The following CLNK variants were observed in gnomAD, a reference collection of about 807,000 sequenced individuals.
CLNK encodes cytokine dependent hematopoietic cell linker, also known as cytokine-dependent hematopoietic cell linker.
Under a neutral mutation model 68.6 loss-of-function variants are expected in CLNK, and 74 were observed. The ratio of observed to expected loss-of-function variants is 1.08; its 90% confidence interval spans 0.89 to 1.31. CLNK has a LOEUF of 1.31. Among genes scored for constraint, CLNK ranks in the 50% most tolerant of loss-of-function variants. CLNK has a pLI of 0.00. For missense variants in CLNK, 553 were observed against 515.3 expected (o/e 1.07, Z -0.71); for synonymous variants, 198 against 172.2 (o/e 1.15, Z -1.17).
intron 2 of CLNK, among the ~76,000 whole-genome samples, chr4:10,611,366 C>T (rs1027403733): frequency 1.5e-4 from 23 of 151,820 alleles, no homozygotes; most frequent in Non-Finnish European, 2.8e-4. Context: ...GGCATGGTGG[C>T]GGGTGCCTGT....
intron 8 of CLNK, among the ~76,000 whole-genome samples, chr4:10,547,651 C>T (rs1165668948): frequency 6.6e-6 from 1 of 152,024 alleles, no homozygotes; most frequent in African/African-American, 2.4e-5. Flanking sequence ...CCTATGTCTC[C>T]CTCCTCCTTG....
At chr4:10,699,514 T>TATATATATATATATATA in the CLNK span, among the ~76,000 whole-genome samples, 2 of 18,448 alleles carry the variant, frequency 1.1e-4, no homozygotes, top group Admixed American at 6.8e-4. Flanking sequence ...ATATATATAT[T>TATATATATATATATATA]TTTTTTTTTT....
At chr4:10,672,437 T>C (rs560157597) in intron 1 of CLNK, among the ~76,000 whole-genome samples, 40 of 152,192 alleles carry the variant, frequency 2.6e-4, no homozygotes, top group Non-Finnish European at 5.1e-4. Flanking sequence ...AGGACTCTTA[T>C]GAAGATTACA....
chr4:10,520,042 CTT>C (rs57157988), intron 15 of CLNK, among the ~76,000 whole-genome samples: 216 of 148,494 alleles, frequency 1.5e-3, no homozygotes, highest in Non-Finnish European at 1.6e-3. Context: ...CTTAAGCCCC[CTT>C]TTTTTTTTTT....
intron 1 of CLNK, among the ~76,000 whole-genome samples, chr4:10,680,097 A>G (rs1344213391): frequency 1.3e-5 from 2 of 152,202 alleles, no homozygotes; most frequent in Non-Finnish European, 1.5e-5. Context: ...ATTCACAATA[A>G]CAAAGACTCG....
At chr4:10,532,030 C>T (rs1381446060) in intron 12 of CLNK, among the ~76,000 whole-genome samples, 1 of 152,168 alleles carries the variant, frequency 6.6e-6, no homozygotes, top group Admixed American at 6.5e-5. Context: ...AACAAATGAA[C>T]CCTGAATGAC....
rs1231705306 is a variant in CLNK at position 10,568,585 on chromosome 4, G to C, written c.151-2435C>G. Among the ~76,000 whole-genome samples, 3 of 152,350 alleles carry C rather than the reference G, an allele frequency of 2.0e-5. No individual in the cohort carries two copies. In the South Asian group the frequency reaches 6.2e-4, roughly 32 times the overall value. On this transcript the variant is annotated intron_variant, in intron 5 of 18. Transcript: ENST00000226951. ...AAAGGAAGTAGACAAGAAAGAAAGA[G>C]AGATCTGGCAGAAGGACAATTTAGA...
At chr4:10,703,053 A>C in the CLNK span, among the ~76,000 whole-genome samples, 1 of 152,230 alleles carries the variant, frequency 6.6e-6, no homozygotes, top group African/African-American at 2.4e-5. Context: ...GGCAGCATTC[A>C]GCGCAGAGGA....
chr4:10,532,985 C>T (rs1718608885), intron 11 of CLNK, among the ~76,000 whole-genome samples: 1 of 152,202 alleles, frequency 6.6e-6, no homozygotes, highest in Non-Finnish European at 1.5e-5. Context: ...GGGCCTGGTG[C>T]AGTGGCTCAT....
chr4:10,706,694 A>G, the CLNK span, among the ~76,000 whole-genome samples: 1 of 152,184 alleles, frequency 6.6e-6, no homozygotes, highest in Non-Finnish European at 1.5e-5. Flanking sequence ...CTACACAAGG[A>G]GAATTCTGTG....
chr4:10,708,970 T>C, the CLNK span, among the ~76,000 whole-genome samples: 2 of 152,330 alleles, frequency 1.3e-5, no homozygotes, highest in Admixed American at 1.3e-4. Flanking sequence ...AAGAGATCTA[T>C]TGAAAAGCCT....
rs893625892 is a variant in CLNK, at chr4:10,508,755, T to C, written c.907-719A>G. Among the ~76,000 whole-genome samples, 16 of 152,272 alleles carry C rather than the reference T, an allele frequency of 1.1e-4. No homozygotes were observed. In the East Asian group the frequency reaches 3.1e-3, roughly 29 times the overall value. On this transcript the variant is annotated intron_variant, in intron 16 of 18. Coordinates refer to ENST00000226951, the MANE Select transcript of CLNK (RefSeq NM_052964.4). ...TCAATCCATCCCTACAGCACATCTTTGAAGTAGGCATGTCATGTAGTATAG... is the reference window on the plus strand; with the variant it reads ...TCAATCCATCCCTACAGCACATCTTCGAAGTAGGCATGTCATGTAGTATAG...
Position 10,490,590 on chromosome 4 carries a change from G to A in CLNK, c.1164C>T (p.Ile388=). Residue 388 remains isoleucine (I), a synonymous_variant, in exon 19 of 19, where the codon ATC becomes ATT. Coordinates refer to ENST00000226951, the MANE Select transcript of CLNK (RefSeq NM_052964.4). Reference sequence around the variant, plus strand: ...TGGGAAAATTCTTGTAGTGTTCGATGATGTCTTCTACTGAATCAAACTTCT... The same window carrying A: ...TGGGAAAATTCTTGTAGTGTTCGATAATGTCTTCTACTGAATCAAACTTCT... The part of the protein sequence containing the change: ...GDEKFDSVED[I]IEHYKNFPII... 1 of 1,577,002 alleles carries A rather than the reference G, an allele frequency of 6.3e-7. No individual in the cohort carries two copies. Among genetic ancestry groups the A allele is most frequent in the African/African-American group, 1.3e-5 (1 of 74,254 alleles).
At chr4:10,617,595 A>G (rs1722286273) in intron 2 of CLNK, among the ~76,000 whole-genome samples, 1 of 152,232 alleles carries the variant, frequency 6.6e-6, no homozygotes, top group Non-Finnish European at 1.5e-5. Context: ...ATAATAGTCA[A>G]TTTTTGCTCA....
Position 10,518,392 on chromosome 4 carries a change from T to G in CLNK, c.772+2399A>C, listed in dbSNP as rs896520602. Among the ~76,000 whole-genome samples, 6 of 152,260 alleles carry G rather than the reference T, an allele frequency of 3.9e-5. No individual in the cohort carries two copies. The South Asian group carries it at 1.0e-3, about 26-fold the overall frequency. On this transcript the variant is annotated intron_variant, in intron 15 of 18. Coordinates refer to ENST00000226951, the MANE Select transcript of CLNK (RefSeq NM_052964.4). ...AATAAAGCATTTTATTTTAAGCAGG[T>G]AGTCAATAAATATTTATTAGAAAAA...
At chr4:10,652,349 T>C (rs1415857318) in intron 2 of CLNK, among the ~76,000 whole-genome samples, 1 of 113,044 alleles carries the variant, frequency 8.8e-6, no homozygotes, top group African/African-American at 3.5e-5. Flanking sequence ...GCCACTTCAC[T>C]CCAGCCTGGG....
intron 2 of CLNK, among the ~76,000 whole-genome samples, chr4:10,667,202 T>A (rs775789071): frequency 6.6e-6 from 1 of 152,192 alleles, no homozygotes; most frequent in Non-Finnish European, 1.5e-5. Flanking sequence ...TCTAATACTA[T>A]CACTCTGCTT....
intron 16 of CLNK, among the ~76,000 whole-genome samples, chr4:10,511,549 C>T (rs1484326649): frequency 1.3e-5 from 2 of 152,184 alleles, no homozygotes; most frequent in Non-Finnish European, 2.9e-5. Context: ...GGCCCAGTTA[C>T]CACCATCCTA....
chr4:10,498,312 A>G (rs1716896013), intron 18 of CLNK, among the ~76,000 whole-genome samples: 1 of 150,204 alleles, frequency 6.7e-6, no homozygotes, highest in African/African-American at 2.5e-5. Context: ...TAACACTGAA[A>G]CCCCGTCTCT....
Sources: allele counts gnomAD v4.1 joint callset (sites outside exome capture counted in the v4.1 genomes callset), GRCh38; gene constraint gnomAD v4.1.1; transcripts MANE v1.5; gene names NCBI Gene and HGNC (gene_info 2026-07-23, HGNC 2026-07-21).